Variants in FOXN3 observed in about 807,000 individuals in gnomAD.
FOXN3 encodes the protein forkhead box protein N3.
FOXN3 carries 7 observed loss-of-function variants against 38.4 expected under a neutral mutation model. The ratio of observed to expected loss-of-function variants is 0.18; its 90% CI spans 0.10 to 0.34. The LOEUF (loss-of-function observed/expected upper bound fraction) is 0.34, where lower values mean the gene tolerates loss of function less well. Ranked by LOEUF, FOXN3 falls within the 10% of genes least tolerant of loss-of-function variation. The pLI, the probability that FOXN3 is intolerant of heterozygous loss-of-function variation, is 1.00. For missense variants in FOXN3, 456 were observed against 613.4 expected (o/e 0.74, Z 2.71); for synonymous variants, 230 against 242.2 (o/e 0.95, Z 0.47).
Position 89,511,192 on chromosome 14 carries a change from T to TC in FOXN3, c.-14-98703_-14-98702insG, listed in dbSNP as rs1459703449. On this transcript the variant is annotated intron_variant, in intron 1 of 6. Transcript: ENST00000345097. ...TTCTTTCTTTCTTTCTTTCTTTCTT[T>TC]TCTTTCTTTCTTTTCTTTCTTTCTT... 7.3e-4 allele frequency among the ~76,000 whole-genome samples: 15 copies of TC among 20,448 alleles called. 3 individuals are homozygous for TC. The highest frequency in any genetic ancestry group is 7.1e-3 in the East Asian group (15 of 2,106). The allele number at this position is 20,448 out of a possible 152,430, so 13.4% of individuals were successfully genotyped here. A position where few individuals can be genotyped will look rare whatever the true frequency, so the allele number is the denominator to read the frequency against.
intron 4 of FOXN3, among the ~76,000 whole-genome samples, chr14:89,233,437 CTGGAATTTCCCA>C (rs373511922): frequency 0.18 from 27,654 of 152,112 alleles, 2,551 homozygotes; most frequent in East Asian, 0.32. Context: ...AAGCTAGGAG[CTGGAATTTCCCA>C]TCCACTGGGT....
At chr14:89,424,834 G>A (rs748973733) in intron 1 of FOXN3, among the ~76,000 whole-genome samples, 105 of 151,888 alleles carry the variant, frequency 6.9e-4, no homozygotes, top group Non-Finnish European at 1.9e-4. Flanking sequence ...ACAGTAAGCC[G>A]TGATCATGCC....
intron 4 of FOXN3, among the ~76,000 whole-genome samples, chr14:89,193,295 CAGAAAATTAA>C (rs1272304044): frequency 6.6e-6 from 1 of 151,310 alleles, no homozygotes; most frequent in African/African-American, 2.4e-5. Flanking sequence ...TTTATATGGC[CAGAAAATTAA>C]AGAAAATATT....
intron 1 of FOXN3, among the ~76,000 whole-genome samples, chr14:89,470,677 T>C (rs1428325148): frequency 1.3e-5 from 2 of 152,244 alleles, no homozygotes; most frequent in Non-Finnish European, 2.9e-5. Context: ...CATGAATTTC[T>C]TTTGGGGCCT....
At chr14:89,415,884 C>CACACACACACACACA (rs1566647933) in intron 1 of FOXN3, among the ~76,000 whole-genome samples, 1 of 93,260 alleles carries the variant, frequency 1.1e-5, no homozygotes, top group Non-Finnish European at 2.1e-5. Flanking sequence ...ACACACACAC[C>CACACACACACACACA]CTCTTTTGTT....
At chr14:89,248,351 G>C (rs61985235) in intron 4 of FOXN3, among the ~76,000 whole-genome samples, 1 of 152,048 alleles carries the variant, frequency 6.6e-6, no homozygotes, top group Non-Finnish European at 1.5e-5. Context: ...TCTTAGTATT[G>C]TCTCACTTTC....
chr14:89,535,203 TC>T lies in FOXN3; in HGVS notation c.-15+83824del, dbSNP rs1407901421. Among the ~76,000 whole-genome samples the T allele has an allele frequency of 4.8e-3, 459 of 95,320 alleles. 3 individuals are homozygous for T. The highest frequency in any genetic ancestry group is 0.013 in the African/African-American group (443 of 34,156). 62.5% of individuals were successfully genotyped at this position (95,320 alleles called of 152,430 possible). A position where few individuals can be genotyped will look rare whatever the true frequency, so the allele number is the denominator to read the frequency against. On this transcript the variant is annotated intron_variant, in intron 1 of 6. Transcript: ENST00000345097. ...AACGCACAGCTTTCCTTTTCTTTCC[TC>T]TTTTTTTTTTTTTAAGTTAAGGTGA...
intron 4 of FOXN3, among the ~76,000 whole-genome samples, chr14:89,267,384 A>G (rs978712666): frequency 2.6e-5 from 4 of 152,154 alleles, no homozygotes; most frequent in Admixed American, 1.3e-4. Context: ...CTGGAAAGAC[A>G]GGGAAGCAGC....
intron 1 of FOXN3, among the ~76,000 whole-genome samples, chr14:89,595,751 G>A (rs1256798468): frequency 6.6e-6 from 1 of 152,158 alleles, no homozygotes; most frequent in African/African-American, 2.4e-5. Flanking sequence ...GGTGATAGAT[G>A]GCAGATTTGT....
intron 1 of FOXN3, among the ~76,000 whole-genome samples, chr14:89,573,390 T>C (rs1381288636): frequency 2.0e-5 from 3 of 152,214 alleles, no homozygotes; most frequent in Non-Finnish European, 4.4e-5. Context: ...GTGAAGTTTA[T>C]TATCAATAAT....
At chr14:89,165,889 T>C (rs553605252) in intron 5 of FOXN3, among the ~76,000 whole-genome samples, 4 of 152,326 alleles carry the variant, frequency 2.6e-5, no homozygotes, top group Admixed American at 2.0e-4. Flanking sequence ...ATATTTAGCT[T>C]TTAATAAATG....
At chr14:89,423,537 G>A (rs1263357883) in intron 1 of FOXN3, among the ~76,000 whole-genome samples, 1 of 151,376 alleles carries the variant, frequency 6.6e-6, no homozygotes, top group African/African-American at 2.4e-5. Flanking sequence ...ATGAAAACAG[G>A]GTTAATATTT....
chr14:89,404,572 A>G lies in FOXN3; in HGVS notation c.543+7362T>C, dbSNP rs565703019. 1.5e-4 allele frequency among the ~76,000 whole-genome samples: 22 copies of G among 150,856 alleles called. No homozygotes were observed. In the East Asian group the frequency reaches 3.3e-3, roughly 23 times the overall value. On this transcript the variant is annotated intron_variant, in intron 2 of 5. Coordinates refer to ENST00000557258, the MANE Select transcript of FOXN3 (RefSeq NM_005197.4). ...GGGAGCTGCGCTTTCTTGGGATCAC[A>G]GGATGCTGGTATGAATGGCTTCCTA...
In FOXN3 at chr14:89,360,420, AAG is replaced by A. The variant is rs1364248506; in HGVS notation, c.544-9614_544-9613del. On this transcript the variant is annotated intron_variant, in intron 2 of 5. Transcript: ENST00000557258. ...GCAGGAAGACAGGGAGAGAGGTAAAAAGAGAGGGAGGAAGGGAGGAGGGAAAG... is the reference window on the plus strand; with the variant it reads ...GCAGGAAGACAGGGAGAGAGGTAAAAAGAGGGAGGAAGGGAGGAGGGAAAG... Among the ~76,000 whole-genome samples, 8 of 146,790 alleles carry A rather than the reference AAG, an allele frequency of 5.4e-5. 1 individual carries two copies. Among genetic ancestry groups the A allele is most frequent in the Non-Finnish European group, 1.2e-4 (8 of 66,454 alleles).
intron 1 of FOXN3, among the ~76,000 whole-genome samples, chr14:89,603,088 G>A (rs912736141): frequency 6.6e-6 from 1 of 151,920 alleles, no homozygotes; most frequent in Non-Finnish European, 1.5e-5. Context: ...AGTCAGATGT[G>A]GCCACCTTAC....
chr14:89,483,435 G>T (rs1158002567), intron 1 of FOXN3, among the ~76,000 whole-genome samples: 1 of 152,134 alleles, frequency 6.6e-6, no homozygotes, highest in Non-Finnish European at 1.5e-5. Context: ...TTAAGACAGA[G>T]TCTCACTCTG....
intron 4 of FOXN3, among the ~76,000 whole-genome samples, chr14:89,249,164 T>G (rs1717399451): frequency 6.6e-6 from 1 of 152,198 alleles, no homozygotes; most frequent in African/African-American, 2.4e-5. Flanking sequence ...ACAGATACAC[T>G]GTACTCACTA....
chr14:89,584,398 C>A (rs573210965), intron 1 of FOXN3, among the ~76,000 whole-genome samples: 1 of 152,012 alleles, frequency 6.6e-6, no homozygotes, highest in African/African-American at 2.4e-5. Context: ...GAAACTCCAT[C>A]TTGATAAATA....
At chr14:89,374,417 C>G (rs1890412766) in intron 2 of FOXN3, among the ~76,000 whole-genome samples, 1 of 152,056 alleles carries the variant, frequency 6.6e-6, no homozygotes, top group Non-Finnish European at 1.5e-5. Flanking sequence ...CAATCCCACT[C>G]CTGGGTATTT....
Sources: allele counts gnomAD v4.1 joint callset (sites outside exome capture counted in the v4.1 genomes callset), GRCh38; gene constraint gnomAD v4.1.1; transcripts MANE v1.5; gene names NCBI Gene and HGNC (gene_info 2026-07-23, HGNC 2026-07-21).